The following TECPR2 variants were observed in gnomAD, a reference collection of about 807,000 sequenced individuals.
TECPR2 encodes tectonin beta-propeller repeat containing 2.
A neutral mutation model predicts 138.1 loss-of-function variants in TECPR2; 65 were observed. That is an observed-to-expected ratio of 0.47 (90% CI 0.39 to 0.58). The LOEUF is 0.58. TECPR2 is among the 20% of genes least tolerant of loss of function. TECPR2 has a pLI of 0.00. For missense variants in TECPR2, 1,553 were observed against 1,824.5 expected (o/e 0.85, Z 2.71); for synonymous variants, 746 against 749.8 (o/e 0.99, Z 0.08).
In TECPR2 at chr14:102,415,557, G is replaced by A. The variant is rs1268774063; in HGVS notation, c.638+764G>A. On this transcript the variant is annotated intron_variant, in intron 5 of 19. Transcript: ENST00000359520. The surrounding 1 kb of genome is among the most constrained non-coding windows in gnomAD (Gnocchi z 4.3). Reference sequence around the variant, plus strand: ...TCTTGTAGGACTCTGCAGCGAGTTTGCGTGGGGATGGGGTGAGGAGGGGTA... The same window carrying A: ...TCTTGTAGGACTCTGCAGCGAGTTTACGTGGGGATGGGGTGAGGAGGGGTA... 6.6e-6 allele frequency among the ~76,000 whole-genome samples: 1 copy of A among 152,118 alleles called. No homozygotes were observed. Among genetic ancestry groups the A allele is most frequent in the Non-Finnish European group, 1.5e-5 (1 of 68,022 alleles).
At position 102,498,688 on chromosome 14, in the gene TECPR2, C is replaced by A; in HGVS notation, c.*431C>A. 1 of 408,316 alleles carries A rather than the reference C, an allele frequency of 2.4e-6. No individual in the cohort carries two copies. The highest frequency in any genetic ancestry group is 2.0e-5 in the South Asian group (1 of 50,078). 25.3% of individuals were successfully genotyped at this position (408,316 alleles called of 1,614,324 possible). On this transcript the variant is annotated 3_prime_UTR_variant, in exon 20 of 20. Transcript: ENST00000359520. ...GGCCAGATGGAGCCAAAGGTCAGCT[C>A]TCTGCAGCGCGGGATGTGCTCGGTG...
intron 17 of TECPR2, among the ~76,000 whole-genome samples, chr14:102,494,549 G>T (rs1171374656): frequency 1.3e-5 from 2 of 151,562 alleles, no homozygotes; most frequent in Non-Finnish European, 2.9e-5. Flanking sequence ...TAGCTCGGAC[G>T]GGTGCGGTGG....
intron 18 of TECPR2, 148 bp from the exon 19 acceptor site, chr14:102,497,422 G>A (rs997949556): frequency 7.6e-6 from 9 of 1,184,948 alleles, no homozygotes; most frequent in African/African-American, 6.2e-5. Flanking sequence ...CCTTTCCCTC[G>A]GCTCCTGCCC....
rs898548326 is a variant in TECPR2, at chr14:102,498,536, G to A, written c.*279G>A. On this transcript the variant is annotated 3_prime_UTR_variant, in exon 20 of 20. Transcript: ENST00000359520. ...GCACTCCGATTACCCACGTGCTGCC[G>A]TCCTGGTCTCATCCACAGATAGCTC... 1.1e-4 allele frequency: 56 copies of A among 515,766 alleles called. No homozygotes were observed. Among genetic ancestry groups the A allele is most frequent in the Non-Finnish European group, 1.1e-4 (30 of 283,942 alleles). 31.9% of individuals were successfully genotyped at this position (515,766 alleles called of 1,614,324 possible). A position where few individuals can be genotyped will look rare whatever the true frequency, so the allele number is the denominator to read the frequency against.
At chr14:102,363,596 T>C (rs966343368) in intron 1 of TECPR2, among the ~76,000 whole-genome samples, 34 of 152,226 alleles carry the variant, frequency 2.2e-4, no homozygotes, top group African/African-American at 8.0e-4. Context: ...AGTGGATAAG[T>C]GAATGACTCC....
At chr14:102,454,159 A>C (rs1025281613) in intron 16 of TECPR2, among the ~76,000 whole-genome samples, 1 of 143,744 alleles carries the variant, frequency 7.0e-6, no homozygotes, top group Non-Finnish European at 1.5e-5. Context: ...GTCTCAAAAG[A>C]AAAAAAAAAA....
intron 2 of TECPR2, among the ~76,000 whole-genome samples, chr14:102,381,063 C>T (rs942721468): frequency 2.0e-5 from 3 of 151,062 alleles, no homozygotes; most frequent in Admixed American, 1.3e-4. Context: ...TGGGTTCAAA[C>T]GATTCTCCTG....
chr14:102,492,316 C>T (rs1380967611), intron 17 of TECPR2, among the ~76,000 whole-genome samples: 2 of 152,194 alleles, frequency 1.3e-5, no homozygotes, highest in Admixed American at 6.5e-5. Flanking sequence ...GAGCTTCCGT[C>T]GTGTAAAGTC....
At chr14:102,398,935 C>T (rs1175152263) in intron 2 of TECPR2, among the ~76,000 whole-genome samples, 1 of 151,878 alleles carries the variant, frequency 6.6e-6, no homozygotes, top group East Asian at 1.9e-4. Context: ...ATACAAGGGA[C>T]CCCCAATAAG....
At position 102,428,243 on chromosome 14, in the gene TECPR2, T is replaced by TTTTTTTTTTC; in HGVS notation, c.952-6_952-5insTTTTTTTTCT. The TTTTTTTTTTC allele has an allele frequency of 6.9e-7, 1 of 1,445,848 alleles. No individual in the cohort carries two copies. Among genetic ancestry groups the TTTTTTTTTTC allele is most frequent in the Non-Finnish European group, 9.2e-7 (1 of 1,089,106 alleles). The allele number at this position is 1,445,848 out of a possible 1,614,324, so 89.6% of individuals were successfully genotyped here. ...TTTTGTTTTTTTTTTTTTTTTTTTT[T>TTTTTTTTTTC]TGACAGGCCACAGTTGCTGGTTTGG... On this transcript the variant is annotated splice_polypyrimidine_tract_variant and splice_region_variant and intron_variant, in intron 6 of 19. Coordinates refer to ENST00000359520, the MANE Select transcript of TECPR2 (RefSeq NM_014844.5).
chr14:102,452,363 C>A (rs1291608531), intron 15 of TECPR2, 31 bp from the exon 16 acceptor site: 1 of 1,590,418 alleles, frequency 6.3e-7, no homozygotes, highest in Non-Finnish European at 8.6e-7. Flanking sequence ...GCAGACAACA[C>A]CTCGATGACA....
chr14:102,404,203 C>G (rs1191039243), intron 2 of TECPR2, among the ~76,000 whole-genome samples: 1 of 152,030 alleles, frequency 6.6e-6, no homozygotes, highest in Non-Finnish European at 1.5e-5. Flanking sequence ...CCCGACTAGC[C>G]TGACTTAATA....
At chr14:102,413,654 C>T (rs1888944021) in intron 4 of TECPR2, among the ~76,000 whole-genome samples, 1 of 151,934 alleles carries the variant, frequency 6.6e-6, no homozygotes, top group Admixed American at 6.6e-5. Context: ...ATAGGGATTA[C>T]AAGTGTGAGC....
At chr14:102,497,976 G>A in intron 19 of TECPR2, 127 bp from the exon 20 acceptor site, 1 of 1,292,608 alleles carries the variant, frequency 7.7e-7, no homozygotes, top group Non-Finnish European at 1.1e-6. Flanking sequence ...TGGAGATGGT[G>A]GCTTGTCCAG....
intron 2 of TECPR2, among the ~76,000 whole-genome samples, chr14:102,397,569 A>T (rs761525581): frequency 3.3e-5 from 5 of 152,150 alleles, no homozygotes; most frequent in Non-Finnish European, 5.9e-5. Flanking sequence ...CAACATGGGG[A>T]TACCCTGTCT....
rs1217217083 is a variant in TECPR2, at chr14:102,440,468, A to T, written c.2611A>T (p.Asn871Tyr). ...TCTCTGGAAGATTGAACAGAAATCT[A>T]ACCGGGCTTTTGCTTGTGGGAAAGT... ...ALLWKIEQKS[N>Y]RAFACGKVTI... Residue 871 changes from asparagine (N) to tyrosine (Y), a missense_variant, in exon 11 of 20, where the codon AAC becomes TAC. Physicochemically the swap from Asn to Tyr is moderately radical, Grantham distance 143 (BLOSUM62 -2). Coordinates refer to ENST00000359520, the MANE Select transcript of TECPR2 (RefSeq NM_014844.5). 1 of 1,614,140 alleles carries T rather than the reference A, an allele frequency of 6.2e-7. No individual in the cohort carries two copies. Among genetic ancestry groups the T allele is most frequent in the Non-Finnish European group, 8.5e-7 (1 of 1,180,050 alleles).
chr14:102,401,435 A>T (rs1188926212), intron 2 of TECPR2, among the ~76,000 whole-genome samples: 2 of 142,408 alleles, frequency 1.4e-5, no homozygotes, highest in South Asian at 4.5e-4. Context: ...GCAAAACTCC[A>T]TCTCAAAAAA....
intron 17 of TECPR2, among the ~76,000 whole-genome samples, chr14:102,495,554 G>A (rs992855439): frequency 1.3e-5 from 2 of 152,212 alleles, no homozygotes; most frequent in African/African-American, 4.8e-5. Context: ...AAGCAGGGCT[G>A]GGTGGGGAGG....
At chr14:102,401,826 A>AAAAG (rs1555449005) in intron 2 of TECPR2, among the ~76,000 whole-genome samples, 1 of 151,152 alleles carries the variant, frequency 6.6e-6, no homozygotes, top group African/African-American at 2.4e-5. Context: ...AAAAAAAAAA[A>AAAAG]AGAGAGACTC....
Sources: allele counts gnomAD v4.1 joint callset (sites outside exome capture counted in the v4.1 genomes callset), GRCh38; gene constraint gnomAD v4.1.1; non-coding constraint Gnocchi (gnomAD v3.1); transcripts MANE v1.5; gene names NCBI Gene and HGNC (gene_info 2026-07-23, HGNC 2026-07-21).